Variants in MECOM observed in about 807,000 individuals in gnomAD.
MECOM encodes MDS1 and EVI1 complex locus.
In MECOM, 13 loss-of-function variants were observed where a neutral mutation model predicts 116.3. The ratio of observed to expected loss-of-function variants is 0.11; its 90% CI spans 0.07 to 0.18. The LOEUF (loss-of-function observed/expected upper bound fraction) is 0.18, where lower values mean the gene tolerates loss of function less well. Ranked by LOEUF, MECOM falls within the 10% of genes least tolerant of loss-of-function variation. MECOM has a pLI of 1.00. For synonymous variants in MECOM, 528 were observed against 535.2 expected (o/e 0.99, Z 0.19); for missense variants, 1,299 against 1,509.0 (o/e 0.86, Z 2.31).
At chr3:169,145,171 CACACACACACACACACACAGAG>C (rs1229059576) in intron 2 of MECOM, 48 of 499,574 alleles carry the variant, frequency 9.6e-5, no homozygotes, top group African/African-American at 2.0e-4. Flanking sequence ...CACACACACA[CACACACACACACACACACAGAG>C]AGAAATCAAA....
At chr3:169,349,688 G>A (rs983015648) in intron 2 of MECOM, among the ~76,000 whole-genome samples, 1 of 151,740 alleles carries the variant, frequency 6.6e-6, no homozygotes, top group African/African-American at 2.4e-5. Context: ...AATTGTAATC[G>A]GCAGCATTTT....
intron 1 of MECOM, among the ~76,000 whole-genome samples, chr3:169,423,724 G>GCTGAGGT (rs1261787482): frequency 6.6e-6 from 1 of 152,060 alleles, no homozygotes; most frequent in Non-Finnish European, 1.5e-5. Context: ...TGATGAGGAG[G>GCTGAGGT]CTGAGGTCTG....
At chr3:169,108,017 TC>T in intron 9 of MECOM, 65 bp from the exon 10 acceptor site, 1 of 1,364,540 alleles carries the variant, frequency 7.3e-7, no homozygotes, top group Non-Finnish European at 1.0e-6. Context: ...TTGCAATCTA[TC>T]CTTTGAGAAA....
chr3:169,310,260 A>G (rs1035878313), intron 2 of MECOM, among the ~76,000 whole-genome samples: 1 of 152,242 alleles, frequency 6.6e-6, no homozygotes, highest in Non-Finnish European at 1.5e-5. Context: ...ACATGCGCTG[A>G]GCACCTATTA....
In MECOM at chr3:169,083,724, G is replaced by T. The variant is rs1048756209; in HGVS notation, c.*1185C>A. 2 of 206,380 alleles carry T rather than the reference G, an allele frequency of 9.7e-6. No individual in the cohort carries two copies. The highest frequency in any genetic ancestry group is 3.8e-4 in the South Asian group (2 of 5,268). The allele number at this position is 206,380 out of a possible 1,614,324, so 12.8% of individuals were successfully genotyped here. A position where few individuals can be genotyped will look rare whatever the true frequency, so the allele number is the denominator to read the frequency against. On this transcript the variant is annotated 3_prime_UTR_variant, in exon 17 of 17. Transcript: ENST00000651503. The stretch of plus-strand genomic sequence containing the variant: ...ATTTACTTCTCTCTTTTAACATAAG[G>T]TTGGGAACACTTCATTTTACAAATA...
At chr3:169,089,309 G>C in intron 15 of MECOM, 126 bp from the exon 16 acceptor site, 3 of 573,254 alleles carry the variant, frequency 5.2e-6, no homozygotes, top group Non-Finnish European at 2.7e-6. Flanking sequence ...AAAGTAGCAT[G>C]CATCAATTAT....
chr3:169,256,452 T>G (rs1441622078), intron 2 of MECOM, among the ~76,000 whole-genome samples: 1 of 152,038 alleles, frequency 6.6e-6, no homozygotes, highest in Non-Finnish European at 1.5e-5. Flanking sequence ...GAAGTAAAAA[T>G]AATTCTGTGG....
intron 1 of MECOM, among the ~76,000 whole-genome samples, chr3:169,589,068 GA>G: frequency 6.6e-6 from 1 of 152,106 alleles, no homozygotes; most frequent in South Asian, 2.1e-4. Flanking sequence ...TCTCAACTCA[GA>G]AAATTCAGAA....
intron 2 of MECOM, among the ~76,000 whole-genome samples, chr3:169,177,689 G>T (rs1745367163): frequency 6.6e-6 from 1 of 152,130 alleles, no homozygotes; most frequent in African/African-American, 2.4e-5. Flanking sequence ...AGCCAAGGCG[G>T]GCAGATTACC....
chr3:169,219,691 T>C (rs145535584), intron 2 of MECOM, among the ~76,000 whole-genome samples: 9 of 151,900 alleles, frequency 5.9e-5, no homozygotes, highest in African/African-American at 2.2e-4. Flanking sequence ...TGAGAGAAAG[T>C]CTGTCACACT....
At chr3:169,570,989 G>A (rs1356446098) in intron 1 of MECOM, among the ~76,000 whole-genome samples, 5 of 151,968 alleles carry the variant, frequency 3.3e-5, no homozygotes, top group Non-Finnish European at 7.4e-5. Context: ...TTCTGGCCAG[G>A]GCAATCAGGC....
chr3:169,102,545 G>A (rs1723960314), intron 10 of MECOM, among the ~76,000 whole-genome samples: 1 of 152,108 alleles, frequency 6.6e-6, no homozygotes, highest in African/African-American at 2.4e-5. Context: ...CTTTTTATTT[G>A]ATTAAATGAC....
chr3:169,613,757 A>C (rs1407049486), intron 1 of MECOM: 1 of 152,212 alleles, frequency 6.6e-6, no homozygotes, highest in Non-Finnish European at 1.5e-5. Flanking sequence ...TGCAGAAACC[A>C]AGGTCTCTAG....
intron 2 of MECOM, among the ~76,000 whole-genome samples, chr3:169,270,361 G>T (rs547208522): frequency 3.3e-5 from 5 of 151,858 alleles, no homozygotes; most frequent in African/African-American, 4.8e-5. Context: ...GGAATTTAAG[G>T]TTCCAGATTA....
intron 1 of MECOM, among the ~76,000 whole-genome samples, chr3:169,492,000 C>CT (rs1354183287): frequency 1.3e-5 from 2 of 152,114 alleles, no homozygotes; most frequent in Non-Finnish European, 2.9e-5. Context: ...AAAGAAAACA[C>CT]TTTTATCTGG....
chr3:169,648,879 T>A (rs1056106741), intron 1 of MECOM, among the ~76,000 whole-genome samples: 2 of 152,224 alleles, frequency 1.3e-5, no homozygotes, highest in Admixed American at 1.3e-4. Context: ...TTTAATCAGA[T>A]CTTTGCTCTC....
chr3:169,516,966 T>C (rs1756707604), intron 1 of MECOM, among the ~76,000 whole-genome samples: 1 of 152,190 alleles, frequency 6.6e-6, no homozygotes, highest in Non-Finnish European at 1.5e-5. Context: ...TAGGAAATCA[T>C]ATACTTTGTG....
intron 1 of MECOM, among the ~76,000 whole-genome samples, chr3:169,593,724 G>A (rs1766716013): frequency 6.6e-6 from 1 of 152,130 alleles, no homozygotes; most frequent in Non-Finnish European, 1.5e-5. Flanking sequence ...AGATGCTGCT[G>A]GACTTGAGAT....
chr3:169,214,998 C>T (rs894694252), intron 2 of MECOM, among the ~76,000 whole-genome samples: 1 of 150,056 alleles, frequency 6.7e-6, no homozygotes, highest in African/African-American at 2.4e-5. Context: ...AACTAAAAGC[C>T]TAAAAGCCCA....
Sources: gnomAD v4.1 joint callset for allele counts (sites outside exome capture counted in the v4.1 genomes callset) on GRCh38, gnomAD v4.1.1 for gene constraint, MANE v1.5 for transcripts, NCBI Gene and HGNC (gene_info 2026-07-23, HGNC 2026-07-21) for gene names.